The following ANKS1B variants were observed in gnomAD, a reference collection of about 807,000 sequenced individuals.
ANKS1B encodes the protein ankyrin repeat and sterile alpha motif domain-containing protein 1B.
ANKS1B carries 36 observed loss-of-function variants against 148.3 expected under a neutral mutation model. The observed-to-expected ratio is 0.24, with a 90% CI of 0.19 to 0.32. The LOEUF (loss-of-function observed/expected upper bound fraction) is 0.32, where lower values mean the gene tolerates loss of function less well. Among genes scored for constraint, ANKS1B ranks in the 10% least tolerant of loss-of-function variants. ANKS1B has a pLI of 1.00. For synonymous variants in ANKS1B, 542 were observed against 560.8 expected (o/e 0.97, Z 0.47); for missense variants, 1,157 against 1,542.6 (o/e 0.75, Z 4.19).
At chr12:99,327,368 CATATTATATATAATTAT>C (rs1210934058) in intron 12 of ANKS1B, among the ~76,000 whole-genome samples, 3 of 92,300 alleles carry the variant, frequency 3.3e-5, no homozygotes, top group Non-Finnish European at 6.0e-5. Flanking sequence ...TATATAATTA[CATATTATATATAATTAT>C]ATATTATAAT....
chr12:99,339,127 C>A (rs1300089909), intron 12 of ANKS1B, among the ~76,000 whole-genome samples: 1 of 152,146 alleles, frequency 6.6e-6, no homozygotes, highest in Non-Finnish European at 1.5e-5. Flanking sequence ...GTGGCATAGA[C>A]CATCTTTCAA....
intron 17 of ANKS1B, among the ~76,000 whole-genome samples, chr12:99,028,734 A>C (rs1229236099): frequency 1.3e-5 from 2 of 152,204 alleles, no homozygotes; most frequent in African/African-American, 4.8e-5. Flanking sequence ...TAAGTATTGC[A>C]CCGATTTTTA....
intron 1 of ANKS1B, among the ~76,000 whole-genome samples, chr12:99,910,867 T>G (rs905907676): frequency 3.3e-5 from 5 of 152,200 alleles, no homozygotes; most frequent in Admixed American, 2.6e-4. Flanking sequence ...AATTTCTTAC[T>G]TCCTTGATTG....
chr12:99,512,042 CA>C (rs2096771618), intron 9 of ANKS1B, among the ~76,000 whole-genome samples: 1 of 151,884 alleles, frequency 6.6e-6, no homozygotes, highest in Non-Finnish European at 1.5e-5. Context: ...GTGATTGCAA[CA>C]AAAACAAAAA....
At chr12:99,181,792 C>A (rs2079146556) in intron 14 of ANKS1B, among the ~76,000 whole-genome samples, 1 of 151,852 alleles carries the variant, frequency 6.6e-6, no homozygotes, top group Non-Finnish European at 1.5e-5. Context: ...CTTTGTGTTA[C>A]AAACAGTCCA....
chr12:98,866,892 C>A (rs2099627413), intron 17 of ANKS1B, among the ~76,000 whole-genome samples: 1 of 152,070 alleles, frequency 6.6e-6, no homozygotes, highest in African/African-American at 2.4e-5. Context: ...TTTTGGGCTC[C>A]CCTAGTAGGT....
intron 12 of ANKS1B, among the ~76,000 whole-genome samples, chr12:99,308,224 G>T (rs1408473983): frequency 6.6e-6 from 1 of 152,006 alleles, no homozygotes; most frequent in African/African-American, 2.4e-5. Flanking sequence ...TTGCTGCAGA[G>T]AATTAAGACA....
chr12:98,839,094 A>G (rs181832716), intron 17 of ANKS1B, among the ~76,000 whole-genome samples: 1 of 152,358 alleles, frequency 6.6e-6, no homozygotes, highest in East Asian at 1.9e-4. Context: ...GTGAACAGAA[A>G]GACCTCAGGA....
At chr12:99,560,016 T>C (rs1046669134) in intron 9 of ANKS1B, among the ~76,000 whole-genome samples, 14 of 152,166 alleles carry the variant, frequency 9.2e-5, no homozygotes, top group African/African-American at 3.1e-4. Flanking sequence ...AAATGAAGAA[T>C]TTTACGTGAT....
chr12:99,953,043 T>G (rs1291372490), intron 1 of ANKS1B, among the ~76,000 whole-genome samples: 1 of 151,994 alleles, frequency 6.6e-6, no homozygotes, highest in Non-Finnish European at 1.5e-5. Flanking sequence ...CAGGTGAAGC[T>G]CAAGATAAAG....
At chr12:99,909,473 C>T (rs1004679954) in intron 1 of ANKS1B, among the ~76,000 whole-genome samples, 6 of 152,266 alleles carry the variant, frequency 3.9e-5, no homozygotes, top group African/African-American at 1.4e-4. Flanking sequence ...GGAACCTCCA[C>T]TCAGTTTTCC....
At chr12:99,249,696 A>G (rs1450657185) in intron 12 of ANKS1B, among the ~76,000 whole-genome samples, 2 of 152,206 alleles carry the variant, frequency 1.3e-5, no homozygotes, top group African/African-American at 2.4e-5. Context: ...AGCTCCCTGC[A>G]GACACAGCCC....
At chr12:99,552,110 G>A (rs1191707252) in intron 9 of ANKS1B, among the ~76,000 whole-genome samples, 2 of 150,364 alleles carry the variant, frequency 1.3e-5, no homozygotes, top group African/African-American at 2.5e-5. Flanking sequence ...TTCTACATCA[G>A]TTCCTGTAGG....
At chr12:99,026,276 C>T (rs971106057) in intron 17 of ANKS1B, among the ~76,000 whole-genome samples, 2 of 152,150 alleles carry the variant, frequency 1.3e-5, no homozygotes, top group South Asian at 2.1e-4. Flanking sequence ...GTCTCTATTT[C>T]GCCATTCTGA....
chr12:99,589,670 A>G (rs1597645296), intron 9 of ANKS1B, among the ~76,000 whole-genome samples: 1 of 152,206 alleles, frequency 6.6e-6, no homozygotes, highest in East Asian at 1.9e-4. Context: ...ATATAATAAA[A>G]GATACAGAGC....
At chr12:99,776,694 G>GTTTT (rs68176084) in intron 6 of ANKS1B, among the ~76,000 whole-genome samples, 65,145 of 151,430 alleles carry the variant, frequency 0.43, 14,537 homozygotes, top group South Asian at 0.64. Context: ...TTGTTTGTTT[G>GTTTT]TTTGAGATGG....
chr12:99,539,545 T>G (rs1038681889), intron 9 of ANKS1B, among the ~76,000 whole-genome samples: 3 of 152,010 alleles, frequency 2.0e-5, no homozygotes, highest in Non-Finnish European at 4.4e-5. Context: ...AAATATCTAT[T>G]TAATACAAAG....
chr12:99,247,781 G>A (rs2074057772), intron 12 of ANKS1B, among the ~76,000 whole-genome samples: 1 of 152,086 alleles, frequency 6.6e-6, no homozygotes, highest in South Asian at 2.1e-4. Flanking sequence ...GAAAGGAAGT[G>A]TCCTTTTTTT....
chr12:99,281,739 T>C (rs1257358349), intron 12 of ANKS1B, among the ~76,000 whole-genome samples: 14 of 152,178 alleles, frequency 9.2e-5, no homozygotes, highest in African/African-American at 3.4e-4. Flanking sequence ...AGAAGTAGAA[T>C]TGTATACTAG....
Sources: gnomAD v4.1 joint callset for allele counts (sites outside exome capture counted in the v4.1 genomes callset) on GRCh38, gnomAD v4.1.1 for gene constraint, MANE v1.5 for transcripts, NCBI Gene and HGNC (gene_info 2026-07-23, HGNC 2026-07-21) for gene names.